Variants in SEC22A observed in about 807,000 individuals in gnomAD.
The protein encoded by SEC22A is SEC22 homolog A, vesicle trafficking protein.
SEC22A carries 22 observed loss-of-function variants against 35.3 expected under a neutral mutation model. That is an observed-to-expected ratio of 0.62 (90% CI 0.45 to 0.89). The LOEUF (loss-of-function observed/expected upper bound fraction) is 0.89. Among genes scored for constraint, SEC22A ranks in the 40% least tolerant of loss-of-function variants. The pLI, the probability that SEC22A is intolerant of heterozygous loss-of-function variation, is 0.00. For missense variants in SEC22A, 354 were observed against 362.5 expected (o/e 0.98, Z 0.19); for synonymous variants, 119 against 129.5 (o/e 0.92, Z 0.55).
chr3:123,212,749 G>A (rs1449123644), intron 2 of SEC22A, among the ~76,000 whole-genome samples: 1 of 152,014 alleles, frequency 6.6e-6, no homozygotes, highest in Non-Finnish European at 1.5e-5. Context: ...GGCCAAGTAA[G>A]GGAGTCAAAA....
chr3:123,232,231 CTCTG>C (rs886677304), intron 4 of SEC22A, among the ~76,000 whole-genome samples: 1 of 152,084 alleles, frequency 6.6e-6, no homozygotes, highest in African/African-American at 2.4e-5. Context: ...TAGAGCGAGG[CTCTG>C]TCTAAAAGAA....
intron 4 of SEC22A, among the ~76,000 whole-genome samples, chr3:123,229,713 T>G (rs943560970): frequency 6.6e-6 from 1 of 151,900 alleles, no homozygotes; most frequent in African/African-American, 2.4e-5. Context: ...AATACAAAAA[T>G]TAGCTGAGCA....
intron 3 of SEC22A, among the ~76,000 whole-genome samples, chr3:123,224,712 G>A (rs2092859833): frequency 6.6e-6 from 1 of 152,128 alleles, no homozygotes; most frequent in African/African-American, 2.4e-5. Context: ...GATCACTTGA[G>A]CACAGGAGTT....
intron 1 of SEC22A, chr3:123,202,266 C>G (rs557953084): frequency 6.5e-6 from 1 of 152,800 alleles, no homozygotes; most frequent in Admixed American, 6.5e-5. Flanking sequence ...TGAGCCGCCT[C>G]GGGTGTTGGG....
At chr3:123,247,755 C>A (rs1247165901) in intron 5 of SEC22A, among the ~76,000 whole-genome samples, 2 of 152,112 alleles carry the variant, frequency 1.3e-5, no homozygotes, top group Non-Finnish European at 2.9e-5. Context: ...TGAGATTTCT[C>A]AGCCTATTAT....
chr3:123,208,179 TACC>T (rs1255554957), intron 1 of SEC22A: 1 of 152,218 alleles, frequency 6.6e-6, no homozygotes, highest in Admixed American at 6.5e-5. Context: ...GTAAGCATTT[TACC>T]ACATTATTAA....
In SEC22A at chr3:123,271,808, C is replaced by T; in HGVS notation, c.*86C>T. ...TGCACTGTGATGAAGAAGCTGTTCC[C>T]CACAGAGGAGAAGCTCTGCTTTCTT... On this transcript the variant is annotated 3_prime_UTR_variant, in exon 7 of 7. Transcript: ENST00000492595. 1 of 1,104,032 alleles carries T rather than the reference C, an allele frequency of 9.1e-7. No individual in the cohort carries two copies. The highest frequency in any genetic ancestry group is 1.3e-6 in the Non-Finnish European group (1 of 756,950). 68.4% of individuals were successfully genotyped at this position (1,104,032 alleles called of 1,614,324 possible).
chr3:123,248,788 C>T (rs1455249765), intron 5 of SEC22A, among the ~76,000 whole-genome samples: 1 of 152,222 alleles, frequency 6.6e-6, no homozygotes, highest in Non-Finnish European at 1.5e-5. Flanking sequence ...CTGTTTGCTT[C>T]TGTACTCTCA....
chr3:123,271,371 T>G, intron 6 of SEC22A, 151 bp from the exon 7 acceptor site: 1 of 630,544 alleles, frequency 1.6e-6, no homozygotes, highest in South Asian at 2.0e-5. Context: ...GCTGAATGTC[T>G]TAGATATATG....
At chr3:123,264,500 T>C (rs558450359) in intron 6 of SEC22A, among the ~76,000 whole-genome samples, 2 of 151,764 alleles carry the variant, frequency 1.3e-5, no homozygotes, top group East Asian at 3.9e-4. Flanking sequence ...AGCCACTCTT[T>C]TAAGTGTGTG....
intron 6 of SEC22A, among the ~76,000 whole-genome samples, chr3:123,262,974 C>T (rs1937926743): frequency 1.3e-5 from 2 of 152,176 alleles, no homozygotes; most frequent in African/African-American, 4.8e-5. Context: ...GTATCACAAC[C>T]AGAGTATTGA....
intron 6 of SEC22A, among the ~76,000 whole-genome samples, chr3:123,270,169 A>G (rs941398951): frequency 1.3e-5 from 2 of 152,230 alleles, no homozygotes; most frequent in African/African-American, 4.8e-5. Flanking sequence ...GGTGAAGAGT[A>G]TACAGTAAAC....
In SEC22A at chr3:123,223,576, G is replaced by C. The variant is rs1331926691; in HGVS notation, c.200G>C (p.Gly67Ala). 3.1e-6 allele frequency: 5 copies of C among 1,612,352 alleles called. No homozygotes were observed. The highest frequency in any genetic ancestry group is 4.2e-6 in the Non-Finnish European group (5 of 1,178,956). Reference sequence around the variant, plus strand: ...CACTGTAGTTTTATTAGCTCTCTGGGAGTGAGCTACATGATGTTGTGCACT... The same window carrying C: ...CACTGTAGTTTTATTAGCTCTCTGGCAGTGAGCTACATGATGTTGTGCACT... ...HYNINFISSLGVSYMMLCTEN... is the reference protein window; with the variant it reads ...HYNINFISSLAVSYMMLCTEN... The change falls in exon 3 of 7, where the codon GGA (glycine) becomes GCA (alanine). Residue 67 changes from glycine (G) to alanine (A), a missense_variant. Coordinates refer to ENST00000492595, the MANE Select transcript of SEC22A (RefSeq NM_012430.5).
At chr3:123,216,117 T>C (rs987478362) in intron 2 of SEC22A, among the ~76,000 whole-genome samples, 5 of 152,202 alleles carry the variant, frequency 3.3e-5, no homozygotes, top group Admixed American at 2.6e-4. Context: ...TTCAGCACCA[T>C]GTATGTTAAA....
Position 123,233,779 on chromosome 3 carries a change from T to A in SEC22A, c.541+8482T>A, listed in dbSNP as rs576526194. Among the ~76,000 whole-genome samples the A allele has an allele frequency of 1.9e-4, 29 of 152,288 alleles. No homozygotes were observed. The East Asian group carries it at 5.4e-3, about 28-fold the overall frequency. ...AAAGACAGGATGCTTTTTCCTAAGA[T>A]CCAGGGACAAGACAAAGATGTCTGC... On this transcript the variant is annotated intron_variant, in intron 4 of 6. Coordinates refer to ENST00000492595, the MANE Select transcript of SEC22A (RefSeq NM_012430.5).
chr3:123,252,369 AAAGTTTT>A (rs983285485), intron 5 of SEC22A, among the ~76,000 whole-genome samples: 4 of 152,122 alleles, frequency 2.6e-5, no homozygotes, highest in African/African-American at 9.7e-5. Context: ...CACAGGACTT[AAAGTTTT>A]ATCTATTTTG....
chr3:123,269,044 T>C (rs929357860), intron 6 of SEC22A, among the ~76,000 whole-genome samples: 2 of 152,164 alleles, frequency 1.3e-5, no homozygotes, highest in Non-Finnish European at 2.9e-5. Flanking sequence ...ATGTGATAAG[T>C]TTGATCATTT....
chr3:123,235,020 C>T (rs960220308), intron 4 of SEC22A, among the ~76,000 whole-genome samples: 13 of 121,656 alleles, frequency 1.1e-4, no homozygotes, highest in Admixed American at 7.7e-4. Context: ...GACCTTGTCT[C>T]AAAAAAAAAA....
intron 5 of SEC22A, among the ~76,000 whole-genome samples, chr3:123,255,568 C>T (rs182364095): frequency 5.3e-5 from 8 of 152,300 alleles, no homozygotes; most frequent in African/African-American, 1.7e-4. Context: ...TGCCTCCCAA[C>T]TTTCTTCCTC....
Sources: gnomAD v4.1 joint callset for allele counts (sites outside exome capture counted in the v4.1 genomes callset) on GRCh38, gnomAD v4.1.1 for gene constraint, MANE v1.5 for transcripts, NCBI Gene and HGNC (gene_info 2026-07-23, HGNC 2026-07-21) for gene names.